KIF6: variants seen among roughly 807,000 people sequenced by gnomAD.
The protein encoded by KIF6 is kinesin family member 6.
KIF6 carries 106 observed loss-of-function variants against 112.7 expected under a neutral mutation model. The ratio of observed to expected loss-of-function variants is 0.94; its 90% confidence interval spans 0.80 to 1.11. KIF6 has a LOEUF of 1.11. Among genes scored for constraint, KIF6 ranks in the 50% least tolerant of loss-of-function variants. The pLI, the probability that KIF6 is intolerant of heterozygous loss-of-function variation, is 0.00. For missense variants in KIF6, 929 were observed against 964.0 expected, an observed-to-expected ratio of 0.96 and a Z score of 0.48; for synonymous variants, 339 against 339.9, an observed-to-expected ratio of 1.00 and a Z score of 0.03.
chr6:39,527,095 G>C (rs114954061), intron 13 of KIF6, among the ~76,000 whole-genome samples: 8 of 152,300 alleles, frequency 5.3e-5, no homozygotes, highest in African/African-American at 1.4e-4. Context: ...TTTGTAAGCA[G>C]TTTGTAAAGG....
intron 2 of KIF6, chr6:39,714,980 AT>A (rs11345306): frequency 0.3 from 136,881 of 450,372 alleles, 22,826 homozygotes; most frequent in Admixed American, 0.38. Context: ...CTTTGACAAG[AT>A]CTGCACAATA....
chr6:39,383,300 C>T (rs547739545), intron 16 of KIF6, among the ~76,000 whole-genome samples: 13 of 152,232 alleles, frequency 8.5e-5, no homozygotes, highest in African/African-American at 3.1e-4. Context: ...AGATTGAAGT[C>T]TTACATTTAA....
intron 18 of KIF6, among the ~76,000 whole-genome samples, 176 bp from the exon 19 acceptor site, chr6:39,357,550 G>C (rs528992589): frequency 6.6e-6 from 1 of 151,320 alleles, no homozygotes; most frequent in Non-Finnish European, 1.5e-5. Flanking sequence ...CTGGGTTCAA[G>C]CAATTCTCCT....
At chr6:39,591,383 C>T (rs1445707743) in intron 7 of KIF6, among the ~76,000 whole-genome samples, 1 of 152,150 alleles carries the variant, frequency 6.6e-6, no homozygotes, top group East Asian at 1.9e-4. Flanking sequence ...ATAAAGTGAG[C>T]TTCTTAAATA....
intron 13 of KIF6, among the ~76,000 whole-genome samples, chr6:39,498,601 G>A (rs941720650): frequency 6.6e-6 from 1 of 152,122 alleles, no homozygotes; most frequent in Non-Finnish European, 1.5e-5. Flanking sequence ...TGTGAAAGCA[G>A]CTATAGACAA....
At chr6:39,359,084 C>T (rs79819291) in intron 18 of KIF6, among the ~76,000 whole-genome samples, 1,885 of 152,290 alleles carry the variant, frequency 0.012, 44 homozygotes, top group African/African-American at 0.042. Context: ...TGTCCTGCCG[C>T]GTGGCCACTT....
chr6:39,547,537 C>T (rs1779130683), intron 10 of KIF6, among the ~76,000 whole-genome samples: 1 of 152,056 alleles, frequency 6.6e-6, no homozygotes, highest in Middle Eastern at 3.2e-3. Context: ...AAAACTCCTC[C>T]CACTCCCCTG....
chr6:39,460,287 C>A (rs1773378365), intron 13 of KIF6, among the ~76,000 whole-genome samples: 2 of 118,386 alleles, frequency 1.7e-5, no homozygotes, highest in South Asian at 6.4e-4. Context: ...AAAAACCAAA[C>A]ACCGCATATT....
At chr6:39,622,323 A>G (rs1783871992) in intron 5 of KIF6, among the ~76,000 whole-genome samples, 1 of 151,998 alleles carries the variant, frequency 6.6e-6, no homozygotes, top group South Asian at 2.1e-4. Flanking sequence ...GGCAAATTTT[A>G]TATGTGCTTG....
intron 13 of KIF6, among the ~76,000 whole-genome samples, chr6:39,497,647 A>T (rs1280785322): frequency 1.3e-5 from 2 of 152,194 alleles, no homozygotes; most frequent in African/African-American, 2.4e-5. Context: ...GACAGATCCC[A>T]TGAGGTTCGA....
chr6:39,622,877 A>G (rs2150738557), intron 5 of KIF6, among the ~76,000 whole-genome samples: 1 of 152,298 alleles, frequency 6.6e-6, no homozygotes, highest in South Asian at 2.1e-4. Context: ...AGAATGATGG[A>G]AGGAAGCCCT....
rs534061949 is a variant in KIF6 at position 39,362,648 on chromosome 6, T to C, written c.1862-130A>G. On this transcript the variant is annotated intron_variant, in intron 16 of 22. Transcript: ENST00000287152. ...GCCTCTGTGAGTTCCTTCTGGGGCC[T>C]CTTGGTGGCAACCTCTGCTCAGCTG... 3.4e-5 allele frequency: 24 copies of C among 710,988 alleles called. No homozygotes were observed. The African/African-American group carries it at 4.0e-4, about 12-fold the overall frequency. The allele number at this position is 710,988 out of a possible 1,614,324, so 44.0% of individuals were successfully genotyped here. A position where few individuals can be genotyped will look rare whatever the true frequency, so the allele number is the denominator to read the frequency against.
intron 13 of KIF6, among the ~76,000 whole-genome samples, chr6:39,510,805 CAT>C (rs1454264699): frequency 2.2e-5 from 3 of 133,514 alleles, no homozygotes; most frequent in Non-Finnish European, 1.5e-5. Flanking sequence ...AGATCCATCT[CAT>C]GTGCAAAGAC....
rs977341615 is a variant in KIF6 at position 39,335,585 on chromosome 6, C to T, written c.*947G>A. On this transcript the variant is annotated 3_prime_UTR_variant, in exon 23 of 23. Transcript: ENST00000287152. ...TTCATTTCCAGGTGCCACTCCTGCT[C>T]ACCCTCCGCTGCCCCTCCCTGGCTG... 2.0e-5 allele frequency: 3 copies of T among 152,176 alleles called. No individual in the cohort carries two copies. The highest frequency in any genetic ancestry group is 7.2e-5 in the African/African-American group (3 of 41,414). The allele number at this position is 152,176 out of a possible 1,614,324, so 9.4% of individuals were successfully genotyped here. A position where few individuals can be genotyped will look rare whatever the true frequency, so the allele number is the denominator to read the frequency against.
chr6:39,331,063 A>G lies in KIF6; in HGVS notation c.*5469T>C, dbSNP rs1333343352. ...ATCACCCAATACCCAACCTGCCATC[A>G]TTGTCCTAAGCTTCCCTTCCCTGCT... On this transcript the variant is annotated 3_prime_UTR_variant, in exon 23 of 23. Coordinates refer to ENST00000287152, the MANE Select transcript of KIF6 (RefSeq NM_145027.6). 1 of 152,322 alleles carries G rather than the reference A, an allele frequency of 6.6e-6. No homozygotes were observed. Among genetic ancestry groups the G allele is most frequent in the Non-Finnish European group, 1.5e-5 (1 of 68,194 alleles). The allele number at this position is 152,322 out of a possible 1,614,324, so 9.4% of individuals were successfully genotyped here. A position where few individuals can be genotyped will look rare whatever the true frequency, so the allele number is the denominator to read the frequency against.
intron 13 of KIF6, among the ~76,000 whole-genome samples, chr6:39,527,066 G>A (rs1582053511): frequency 6.6e-6 from 1 of 152,154 alleles, no homozygotes; most frequent in African/African-American, 2.4e-5. Flanking sequence ...TGGGTATATT[G>A]AGACTTTACA....
intron 3 of KIF6, among the ~76,000 whole-genome samples, chr6:39,646,814 C>T (rs1244940506): frequency 6.6e-6 from 1 of 152,136 alleles, no homozygotes; most frequent in Non-Finnish European, 1.5e-5. Context: ...ATTTTAAATA[C>T]ACAGTTCCGC....
At chr6:39,420,137 G>A in intron 14 of KIF6, 134 bp from the exon 15 acceptor site, 1 of 644,368 alleles carries the variant, frequency 1.6e-6, no homozygotes, top group South Asian at 2.0e-5. Context: ...ATCTAAATAA[G>A]TAAAATATAT....
chr6:39,533,210 T>C (rs1218040002), intron 13 of KIF6, among the ~76,000 whole-genome samples: 2 of 152,218 alleles, frequency 1.3e-5, no homozygotes, highest in Non-Finnish European at 2.9e-5. Context: ...GGGCAAGGCA[T>C]TGCCTCACTC....
Sources: gnomAD v4.1 joint callset for allele counts (sites outside exome capture counted in the v4.1 genomes callset) on GRCh38, gnomAD v4.1.1 for gene constraint, MANE v1.5 for transcripts, NCBI Gene and HGNC (gene_info 2026-07-23, HGNC 2026-07-21) for gene names.